The following IFT140 variants were observed in gnomAD, a reference collection of about 807,000 sequenced individuals.
IFT140 encodes the protein intraflagellar transport protein 140 homolog.
Under a neutral mutation model 164.6 loss-of-function variants are expected in IFT140, and 133 were observed. The observed-to-expected ratio is 0.81, with a 90% CI of 0.70 to 0.93. IFT140 has a LOEUF of 0.93. Ranked by LOEUF, IFT140 falls within the 40% of genes least tolerant of loss-of-function variation. The pLI, the probability that IFT140 is intolerant of heterozygous loss-of-function variation, is 0.00. For missense variants in IFT140, 2,045 were observed against 1,972.3 expected, an observed-to-expected ratio of 1.04 and a Z score of -0.70; for synonymous variants, 860 against 817.3, an observed-to-expected ratio of 1.05 and a Z score of -0.89.
Position 1,592,675 on chromosome 16 carries a change from G to T in IFT140, c.370-87C>A, listed in dbSNP as rs565856642. On this transcript the variant is annotated intron_variant, in intron 4 of 30. Coordinates refer to ENST00000426508, the MANE Select transcript of IFT140 (RefSeq NM_014714.4). ...CAGGTGTCCTGGCAGAGCGACTGGT[G>T]GTGGGACAGGTGTCCCGGCAGAGCG... is the stretch of plus-strand genomic sequence containing the variant. 344 of 1,506,266 alleles carry T rather than the reference G, an allele frequency of 2.3e-4. 22 individuals carry two copies. The South Asian group carries it at 4.1e-3, about 18-fold the overall frequency. 93.3% of individuals were successfully genotyped at this position (1,506,266 alleles called of 1,614,324 possible).
chr16:1,519,521 C>T (rs971445253), intron 29 of IFT140, among the ~76,000 whole-genome samples: 2 of 152,110 alleles, frequency 1.3e-5, no homozygotes, highest in Middle Eastern at 3.2e-3. Context: ...CCATGGTCCC[C>T]CAACCCCAGG....
At chr16:1,580,404 A>C in intron 13 of IFT140, 1 of 182,714 alleles carries the variant, frequency 5.5e-6, no homozygotes, top group South Asian at 1.1e-4. Context: ...ACAGTTTCCT[A>C]GTGTGTTCTG....
chr16:1,516,694 C>T (rs2040361261), intron 30 of IFT140, among the ~76,000 whole-genome samples: 3 of 147,910 alleles, frequency 2.0e-5, no homozygotes, highest in African/African-American at 7.5e-5. Flanking sequence ...GGCGTGAACC[C>T]GGGAGGCAGA....
intron 4 of IFT140, among the ~76,000 whole-genome samples, chr16:1,592,893 G>A (rs926646066): frequency 1.3e-5 from 2 of 151,748 alleles, no homozygotes; most frequent in East Asian, 1.9e-4. Context: ...ACTGGTGGAA[G>A]GACAGGTGCC....
At position 1,571,670 on chromosome 16, in the gene IFT140, T is replaced by G; in HGVS notation, c.1525-136A>C. On this transcript the variant is annotated intron_variant, in intron 13 of 30. Coordinates refer to ENST00000426508, the MANE Select transcript of IFT140 (RefSeq NM_014714.4). The stretch of plus-strand genomic sequence containing the variant: ...ATTGTTCACAGATAACCTTGTACAC[T>G]CCACTCATTCACTCGCTCAGTGTTT... 32 of 925,122 alleles carry G rather than the reference T, an allele frequency of 3.5e-5. 2 individuals carry two copies. In the South Asian group the frequency reaches 5.3e-4, roughly 15 times the overall value. 57.3% of individuals were successfully genotyped at this position (925,122 alleles called of 1,614,324 possible).
At position 1,607,189 on chromosome 16, in the gene IFT140, G is replaced by C. The variant is rs761737670; in HGVS notation, c.78C>G (p.Val26=). The change falls in exon 3 of 31, where the codon GTC becomes GTG. Residue 26 remains valine, a synonymous_variant. Coordinates refer to ENST00000426508, the MANE Select transcript of IFT140 (RefSeq NM_014714.4). ...GSPSFISWHP[V]HPFLAVAYIS... ...TGTAAGCAACTGCCAAGAATGGATG[G>C]ACAGGGTGCCAGCTGATAAATGAGG... is the stretch of plus-strand genomic sequence containing the variant. The C allele has an allele frequency of 3.7e-6, 6 of 1,614,004 alleles. No individual in the cohort carries two copies. Among genetic ancestry groups the C allele is most frequent in the African/African-American group, 1.3e-5 (1 of 74,908 alleles).
In IFT140 at chr16:1,511,877, T is replaced by C. The variant is rs538217721; in HGVS notation, c.4183-727A>G. 4.0e-5 allele frequency among the ~76,000 whole-genome samples: 6 copies of C among 151,140 alleles called. No individual in the cohort carries two copies. In the South Asian group the frequency reaches 6.3e-4, roughly 16 times the overall value. Reference sequence around the variant, plus strand: ...AGAACAAGCTTGGGTAATGCTGTAGTGGGGAGCCAGGTCAGGCCGAGGTCC... The same window carrying C: ...AGAACAAGCTTGGGTAATGCTGTAGCGGGGAGCCAGGTCAGGCCGAGGTCC... On this transcript the variant is annotated intron_variant, in intron 30 of 30. Transcript: ENST00000426508.
At chr16:1,602,283 G>T in intron 4 of IFT140, 87 bp downstream of exon 4, 1 of 1,159,754 alleles carries the variant, frequency 8.6e-7, no homozygotes, top group Non-Finnish European at 1.3e-6. Context: ...GCAACAGCAC[G>T]GTTCCCATAT....
At chr16:1,548,291 C>T (rs1399348981) in intron 19 of IFT140, among the ~76,000 whole-genome samples, 1 of 152,206 alleles carries the variant, frequency 6.6e-6, no homozygotes, top group South Asian at 2.1e-4. Context: ...GGGGTCAGCC[C>T]TGGGGTCTTT....
At chr16:1,547,824 C>A (rs1055435573) in intron 19 of IFT140, among the ~76,000 whole-genome samples, 2 of 152,204 alleles carry the variant, frequency 1.3e-5, no homozygotes, top group Non-Finnish European at 2.9e-5. Flanking sequence ...GCGTGAGTCA[C>A]TGTGCCTGGC....
chr16:1,539,797 C>A (rs1168160896), intron 19 of IFT140, among the ~76,000 whole-genome samples: 1 of 152,200 alleles, frequency 6.6e-6, no homozygotes, highest in Admixed American at 6.5e-5. Context: ...GCTCCGCTCT[C>A]CCCCTTGCCA....
intron 20 of IFT140, chr16:1,526,416 C>G (rs893851676): frequency 7.9e-6 from 5 of 629,434 alleles, no homozygotes; most frequent in African/African-American, 1.9e-5. Context: ...CAGGCACACA[C>G]CCTGGAGAGC....
Position 1,524,614 on chromosome 16 carries a change from C to G in IFT140, c.3079G>C (p.Gly1027Arg), listed in dbSNP as rs137995818. Residue 1027 changes from glycine (G) to arginine (R), a missense_variant, in exon 24 of 31, where the codon GGG becomes CGG. Physicochemically the swap from Gly to Arg is moderately radical, Grantham distance 125. Coordinates refer to ENST00000426508, the MANE Select transcript of IFT140 (RefSeq NM_014714.4). ...ARQYESQEEVGQAVHFYTRAQ... is the reference protein window; with the variant it reads ...ARQYESQEEVRQAVHFYTRAQ... ...CGGGTGTAGAAGTGCACCGCCTGCC[C>G]GACCTCCTCCTGGCTCTCGTACTGG... 1.9e-5 allele frequency: 30 copies of G among 1,604,188 alleles called. No homozygotes were observed. In the South Asian group the frequency reaches 3.1e-4, roughly 17 times the overall value.
chr16:1,580,555 C>A (rs548230996), intron 13 of IFT140: 64 of 476,508 alleles, frequency 1.3e-4, no homozygotes, highest in Middle Eastern at 1.0e-3. Context: ...GAGGCCTCCG[C>A]AGTCATGCTT....
At chr16:1,591,513 C>T (rs966020572) in intron 6 of IFT140, among the ~76,000 whole-genome samples, 9 of 152,254 alleles carry the variant, frequency 5.9e-5, no homozygotes, top group African/African-American at 2.2e-4. Context: ...TCTCCCGAGA[C>T]CCGGCCACCT....
chr16:1,557,720 C>T (rs982295260), intron 19 of IFT140: 19 of 575,196 alleles, frequency 3.3e-5, no homozygotes, highest in South Asian at 6.6e-5. Flanking sequence ...CTAAACAGCC[C>T]GAGAGGCTCC....
intron 29 of IFT140, among the ~76,000 whole-genome samples, chr16:1,518,657 C>A (rs768945997): frequency 2.0e-5 from 3 of 151,828 alleles, no homozygotes; most frequent in African/African-American, 7.3e-5. Context: ...CTGCACAAAG[C>A]GTGACCCAGA....
chr16:1,557,960 A>C lies in IFT140; in HGVS notation c.2374T>G (p.Phe792Val). Reference protein sequence around the residue: ...FVTIGDMDEAFKSIKLIKSEA... With the variant: ...FVTIGDMDEAVKSIKLIKSEA... ...CTTTTGATGAGCTTGATGGATTTGAAGGCTTCGTCCATGTCTCCTATGGTG... is the reference window on the plus strand; with the variant it reads ...CTTTTGATGAGCTTGATGGATTTGACGGCTTCGTCCATGTCTCCTATGGTG... Residue 792 changes from phenylalanine (F) to valine (V), a missense_variant, in exon 19 of 31, where the codon TTC (phenylalanine) becomes GTC (valine). Transcript: ENST00000426508. 2 of 1,613,806 alleles carry C rather than the reference A, an allele frequency of 1.2e-6. No homozygotes were observed. Among genetic ancestry groups the C allele is most frequent in the South Asian group, 1.1e-5 (1 of 91,066 alleles).
At chr16:1,530,405 A>G (rs896991889) in intron 19 of IFT140, among the ~76,000 whole-genome samples, 1 of 152,040 alleles carries the variant, frequency 6.6e-6, no homozygotes, top group Non-Finnish European at 1.5e-5. Context: ...TGCTTGGATT[A>G]CAGGTGTGAG....
Sources: allele counts gnomAD v4.1 joint callset (sites outside exome capture counted in the v4.1 genomes callset), GRCh38; gene constraint gnomAD v4.1.1; transcripts MANE v1.5; gene names NCBI Gene and HGNC (gene_info 2026-07-23, HGNC 2026-07-21).